Variants in USP25 observed in about 807,000 individuals in gnomAD.
The protein encoded by USP25 is ubiquitin specific peptidase 25.
USP25 carries 85 observed loss-of-function variants against 158.5 expected under a neutral mutation model. That is an observed-to-expected ratio of 0.54 (90% CI 0.45 to 0.64). The LOEUF (loss-of-function observed/expected upper bound fraction) is 0.64, where lower values mean the gene tolerates loss of function less well. Among genes scored for constraint, USP25 ranks in the 30% least tolerant of loss-of-function variants. USP25 has a pLI of 0.00. For missense variants in USP25, 1,242 were observed against 1,327.3 expected (o/e 0.94, Z 1.00); for synonymous variants, 464 against 460.4 (o/e 1.01, Z -0.10).
In USP25 at chr21:15,879,951, T is replaced by C. The variant is rs1047014099; in HGVS notation, c.*1476T>C. The C allele has an allele frequency of 6.6e-6, 1 of 152,220 alleles. No individual in the cohort carries two copies. The highest frequency in any genetic ancestry group is 6.5e-5 in the Admixed American group (1 of 15,284). The allele number at this position is 152,220 out of a possible 1,614,324, so 9.4% of individuals were successfully genotyped here. Reference sequence around the variant, plus strand: ...TGGGTTTAGATTTTAAGTTGTCTACTGAGCAGATTTCTGCATTGGTTTTCC... The same window carrying C: ...TGGGTTTAGATTTTAAGTTGTCTACCGAGCAGATTTCTGCATTGGTTTTCC... On this transcript the variant is annotated 3_prime_UTR_variant, in exon 26 of 26. Coordinates refer to ENST00000400183, the MANE Select transcript of USP25 (RefSeq NM_001283041.3).
intron 20 of USP25, among the ~76,000 whole-genome samples, chr21:15,859,004 A>AT (rs1228495643): frequency 6.6e-6 from 1 of 151,504 alleles, no homozygotes; most frequent in Non-Finnish European, 1.5e-5. Flanking sequence ...TATCTCATAT[A>AT]TTTTTTGTAC....
At chr21:15,877,535 G>A (rs1055590419) in intron 24 of USP25, 4 of 259,318 alleles carry the variant, frequency 1.5e-5, no homozygotes, top group Admixed American at 5.5e-5. Context: ...TTGATGATCG[G>A]CATAAGCCAA....
intron 5 of USP25, among the ~76,000 whole-genome samples, chr21:15,798,730 C>T (rs2035985509): frequency 6.6e-6 from 1 of 151,004 alleles, no homozygotes; most frequent in South Asian, 2.1e-4. Context: ...TTTACAGTTT[C>T]TGTTACCAGC....
At chr21:15,792,390 A>C (rs1319991327) in intron 5 of USP25, among the ~76,000 whole-genome samples, 1 of 151,742 alleles carries the variant, frequency 6.6e-6, no homozygotes, top group Non-Finnish European at 1.5e-5. Flanking sequence ...ACTTTAAAAC[A>C]ATTTATGAAT....
At chr21:15,767,662 A>G (rs1482358710) in intron 3 of USP25, among the ~76,000 whole-genome samples, 1 of 152,040 alleles carries the variant, frequency 6.6e-6, no homozygotes, top group Non-Finnish European at 1.5e-5. Flanking sequence ...ACTCGAGGGG[A>G]AAAAGAAACT....
chr21:15,766,453 AT>A lies in USP25; in HGVS notation c.268+316del, dbSNP rs1245448108. On this transcript the variant is annotated intron_variant, in intron 3 of 25. Coordinates refer to ENST00000400183, the MANE Select transcript of USP25 (RefSeq NM_001283041.3). This position sits in a 1 kb window ranked among gnomAD's most constrained non-coding sequence, Gnocchi z 4.0. ...TTTAGTGGGCACAGTTATTTTGCAG[AT>A]TTTAAGTGCTGGTAGAGGCTTTAGT... 5.3e-5 allele frequency among the ~76,000 whole-genome samples: 8 copies of A among 152,180 alleles called. No homozygotes were observed. The highest frequency in any genetic ancestry group is 1.9e-4 in the African/African-American group (8 of 41,570).
At chr21:15,760,305 T>C (rs1026651475) in intron 1 of USP25, among the ~76,000 whole-genome samples, 17 of 152,186 alleles carry the variant, frequency 1.1e-4, no homozygotes, top group African/African-American at 4.1e-4. Context: ...TTATCCTACC[T>C]AGAACTTGGA....
chr21:15,848,985 T>G (rs531448462), intron 19 of USP25, among the ~76,000 whole-genome samples: 1 of 146,552 alleles, frequency 6.8e-6, no homozygotes, highest in South Asian at 2.2e-4. Flanking sequence ...TAAGCTATTA[T>G]GAAAACAAAA....
chr21:15,873,957 A>G (rs2039998985), intron 23 of USP25, among the ~76,000 whole-genome samples: 1 of 149,744 alleles, frequency 6.7e-6, no homozygotes, highest in African/African-American at 2.6e-5. Flanking sequence ...CTGTCTGCAC[A>G]TAGAAAAGAA....
chr21:15,824,659 C>G (rs544375411), intron 11 of USP25, among the ~76,000 whole-genome samples: 31 of 152,222 alleles, frequency 2.0e-4, no homozygotes, highest in African/African-American at 7.2e-4. Flanking sequence ...CTCTGTCGCC[C>G]AGGCTGGAGT....
intron 17 of USP25, among the ~76,000 whole-genome samples, chr21:15,835,324 A>C (rs1391277903): frequency 6.6e-6 from 1 of 152,094 alleles, no homozygotes; most frequent in Non-Finnish European, 1.5e-5. Flanking sequence ...CATCTCTCCA[A>C]ATTTTCAGAG....
Position 15,799,788 on chromosome 21 carries a change from T to C in USP25, c.587T>C (p.Leu196Ser). 6.2e-7 allele frequency: 1 copy of C among 1,600,632 alleles called. No individual in the cohort carries two copies. The highest frequency in any genetic ancestry group is 1.3e-5 in the African/African-American group (1 of 74,228). ...SLFNLLEFRR[L>S]VLNYKPPSNA... ...TTTAATCTTTTGGAATTTAGAAGAT[T>C]AGTTCTGAATTACAAGCCTCCATCA... is the stretch of plus-strand genomic sequence containing the variant. Residue 196 changes from leucine to serine, a missense_variant, in exon 6 of 26, where the codon TTA becomes TCA. By Grantham distance (145) the Leu-to-Ser change is moderately radical. This residue lies in a region of USP25 where 627 missense variants were observed against 701.4 expected (regional missense o/e 0.89). Transcript: ENST00000400183.
At chr21:15,769,887 T>C (rs1441822389) in intron 3 of USP25, among the ~76,000 whole-genome samples, 1 of 152,096 alleles carries the variant, frequency 6.6e-6, no homozygotes, top group African/African-American at 2.4e-5. Flanking sequence ...ATGCCACATA[T>C]TGACTCAAGT....
At chr21:15,868,041 A>C (rs898169573) in intron 22 of USP25, among the ~76,000 whole-genome samples, 2 of 152,098 alleles carry the variant, frequency 1.3e-5, no homozygotes, top group African/African-American at 4.8e-5. Flanking sequence ...ATCCCAGTCC[A>C]CCTCCCATCT....
chr21:15,787,902 A>ACCCCCCCCCCC (rs5842545), intron 4 of USP25, among the ~76,000 whole-genome samples: 19 of 83,646 alleles, frequency 2.3e-4, no homozygotes, highest in Non-Finnish European at 2.8e-4. Context: ...ACACCCCCTC[A>ACCCCCCCCCCC]CCCCCCCCCC....
chr21:15,799,010 A>G (rs763266771), intron 5 of USP25, among the ~76,000 whole-genome samples: 7 of 151,274 alleles, frequency 4.6e-5, no homozygotes, highest in African/African-American at 7.3e-5. Flanking sequence ...TTTTACACAT[A>G]CACAAGTGTG....
intron 1 of USP25, among the ~76,000 whole-genome samples, chr21:15,747,552 T>C (rs1415715075): frequency 6.6e-6 from 1 of 152,126 alleles, no homozygotes; most frequent in African/African-American, 2.4e-5. Flanking sequence ...ATTTATAAAT[T>C]AGTAGAGACT....
At chr21:15,738,322 G>A (rs1046915429) in intron 1 of USP25, among the ~76,000 whole-genome samples, 4 of 152,014 alleles carry the variant, frequency 2.6e-5, no homozygotes, top group African/African-American at 9.7e-5. Context: ...ATCATACCAA[G>A]CTCTCTCAAA....
At chr21:15,805,093 TTTTG>T (rs1257929411) in intron 6 of USP25, 24 bp from the exon 7 acceptor site, 1 of 1,555,952 alleles carries the variant, frequency 6.4e-7, no homozygotes, top group South Asian at 1.2e-5. Context: ...GTTAAGGTGT[TTTTG>T]TTTTTGTTTT....
Sources: allele counts gnomAD v4.1 joint callset (sites outside exome capture counted in the v4.1 genomes callset), GRCh38; gene constraint gnomAD v4.1.1; regional missense constraint gnomAD v4.1.1; non-coding constraint Gnocchi (gnomAD v3.1); transcripts MANE v1.5; gene names NCBI Gene and HGNC (gene_info 2026-07-23, HGNC 2026-07-21).